The following PPM1B variants were observed in gnomAD, a reference collection of about 807,000 sequenced individuals.
PPM1B encodes protein phosphatase, Mg2+/Mn2+ dependent 1B.
A neutral mutation model predicts 43.0 loss-of-function variants in PPM1B; 22 were observed. The ratio of observed to expected loss-of-function variants is 0.51; its 90% confidence interval spans 0.37 to 0.73. The LOEUF is 0.73. Among genes scored for constraint, PPM1B ranks in the 30% least tolerant of loss-of-function variants. PPM1B has a pLI of 0.00. For missense variants in PPM1B, 632 were observed against 584.2 expected (o/e 1.08, Z -0.84); for synonymous variants, 217 against 197.9 (o/e 1.10, Z -0.81).
Position 44,230,763 on chromosome 2 carries a change from C to A in PPM1B, c.*45C>A. ...TTTTGTGATCTTTGATGGTTTTTAACCTAGGAAGTGTAATGTATGCATTTA... is the reference window on the plus strand; with the variant it reads ...TTTTGTGATCTTTGATGGTTTTTAAACTAGGAAGTGTAATGTATGCATTTA... On this transcript the variant is annotated 3_prime_UTR_variant, in exon 6 of 6. Coordinates refer to ENST00000282412, the MANE Select transcript of PPM1B (RefSeq NM_002706.6). The A allele has an allele frequency of 1.9e-6, 3 of 1,576,986 alleles. No homozygotes were observed. Among genetic ancestry groups the A allele is most frequent in the Non-Finnish European group, 2.6e-6 (3 of 1,160,272 alleles).
In PPM1B at chr2:44,205,142, G is replaced by C. The variant is rs183287975; in HGVS notation, c.846+3097G>C. Among the ~76,000 whole-genome samples, 442 of 152,196 alleles carry C rather than the reference G, an allele frequency of 2.9e-3. 1 individual carries two copies. The highest frequency in any genetic ancestry group is 9.5e-3 in the African/African-American group (395 of 41,540). On this transcript the variant is annotated intron_variant, in intron 2 of 5. Coordinates refer to ENST00000282412, the MANE Select transcript of PPM1B (RefSeq NM_002706.6). Reference sequence around the variant, plus strand: ...TGATACATACTTATTAATCCTCATAGTAACTTTCTGAGGTGAACAAAATAA... The same window carrying C: ...TGATACATACTTATTAATCCTCATACTAACTTTCTGAGGTGAACAAAATAA...
chr2:44,182,194 C>T (rs1227978808), intron 1 of PPM1B, among the ~76,000 whole-genome samples: 1 of 152,124 alleles, frequency 6.6e-6, no homozygotes, highest in Non-Finnish European at 1.5e-5. Flanking sequence ...TCGTGAGAAA[C>T]ATTCTCTATG....
At chr2:44,214,715 G>A (rs1219925219) in intron 3 of PPM1B, among the ~76,000 whole-genome samples, 2 of 152,102 alleles carry the variant, frequency 1.3e-5, no homozygotes, top group African/African-American at 4.8e-5. Context: ...TATATCAAGT[G>A]TGTGGGGGTT....
At chr2:44,199,871 G>T (rs1292783159) in intron 1 of PPM1B, among the ~76,000 whole-genome samples, 1 of 151,720 alleles carries the variant, frequency 6.6e-6, no homozygotes, top group Non-Finnish European at 1.5e-5. Flanking sequence ...TATATATATC[G>T]AGTGGTTCAT....
chr2:44,219,718 C>T (rs1412306812), intron 5 of PPM1B, among the ~76,000 whole-genome samples: 2 of 151,814 alleles, frequency 1.3e-5, no homozygotes, highest in Admixed American at 6.6e-5. Flanking sequence ...CCGAGGCGGG[C>T]GGATCACCTG....
downstream of PPM1B, among the ~76,000 whole-genome samples, chr2:44,246,034 C>G (rs1291559132): frequency 6.6e-6 from 1 of 152,158 alleles, no homozygotes; most frequent in Non-Finnish European, 1.5e-5. Context: ...CCAGCATATT[C>G]TCTTTTCTGT....
chr2:44,175,816 C>T (rs1667556949), intron 1 of PPM1B, among the ~76,000 whole-genome samples: 1 of 144,240 alleles, frequency 6.9e-6, no homozygotes, highest in African/African-American at 2.6e-5. Flanking sequence ...GACGGAGTCT[C>T]ACTCTGTCAC....
chr2:44,184,310 T>G (rs1449158786), intron 1 of PPM1B, among the ~76,000 whole-genome samples: 1 of 152,194 alleles, frequency 6.6e-6, no homozygotes, highest in African/African-American at 2.4e-5. Flanking sequence ...TCCTCCTCTG[T>G]AAGCACATTT....
downstream of PPM1B, among the ~76,000 whole-genome samples, chr2:44,245,986 A>T (rs1038318664): frequency 6.6e-6 from 1 of 152,198 alleles, no homozygotes; most frequent in Non-Finnish European, 1.5e-5. Context: ...TTTTAGGTTG[A>T]TAGGGCCAAA....
At chr2:44,173,770 C>G (rs954195525) in intron 1 of PPM1B, among the ~76,000 whole-genome samples, 43 of 152,110 alleles carry the variant, frequency 2.8e-4, no homozygotes, top group African/African-American at 1.0e-3. Context: ...TGATGAAACC[C>G]TGTCTTTACC....
downstream of PPM1B, chr2:44,234,317 G>C (rs957540967): frequency 1.4e-6 from 1 of 717,058 alleles, no homozygotes; most frequent in African/African-American, 1.9e-5. Flanking sequence ...TCAAGAGATC[G>C]TGACCATCCT....
chr2:44,217,649 C>T (rs1001481410), intron 3 of PPM1B, among the ~76,000 whole-genome samples: 1 of 152,164 alleles, frequency 6.6e-6, no homozygotes, highest in Non-Finnish European at 1.5e-5. Flanking sequence ...AACCATTTCA[C>T]TCAATGGCTA....
chr2:44,181,938 A>C (rs946151302), intron 1 of PPM1B, among the ~76,000 whole-genome samples: 4 of 151,828 alleles, frequency 2.6e-5, no homozygotes, highest in Non-Finnish European at 5.9e-5. Flanking sequence ...CAGAAAAAAG[A>C]ATAAAGAATA....
chr2:44,187,558 G>A (rs78393052), intron 1 of PPM1B, among the ~76,000 whole-genome samples: 28 of 152,152 alleles, frequency 1.8e-4, no homozygotes, highest in African/African-American at 6.3e-4. Flanking sequence ...ATAATGATCT[G>A]TCTAAACATG....
chr2:44,192,302 C>T (rs1668446597), intron 1 of PPM1B, among the ~76,000 whole-genome samples: 1 of 152,026 alleles, frequency 6.6e-6, no homozygotes, highest in Non-Finnish European at 1.5e-5. Flanking sequence ...ACTGCAACCT[C>T]CATCTCCTGG....
chr2:44,177,677 C>G (rs1024870076), intron 1 of PPM1B, among the ~76,000 whole-genome samples: 3 of 151,924 alleles, frequency 2.0e-5, no homozygotes, highest in Admixed American at 6.6e-5. Context: ...CTCGGCCTCC[C>G]AAAGTGCTGG....
At chr2:44,218,218 T>C (rs1382406482) in intron 4 of PPM1B, 140 bp downstream of exon 4, 2 of 712,858 alleles carry the variant, frequency 2.8e-6, no homozygotes, top group African/African-American at 3.6e-5. Flanking sequence ...AGAAGAACTC[T>C]TAAAACTTCA....
At chr2:44,174,733 C>G (rs1423093946) in intron 1 of PPM1B, among the ~76,000 whole-genome samples, 2 of 152,202 alleles carry the variant, frequency 1.3e-5, no homozygotes, top group African/African-American at 4.8e-5. Flanking sequence ...ATTTTTAAAT[C>G]TAATCGCATT....
At chr2:44,236,642 A>G (rs1670632156), downstream of PPM1B, among the ~76,000 whole-genome samples, 1 of 152,166 alleles carries the variant, frequency 6.6e-6, no homozygotes, top group South Asian at 2.1e-4. Flanking sequence ...TATTTTCTGA[A>G]ACCTTGGAAA....
Sources: allele counts gnomAD v4.1 joint callset (sites outside exome capture counted in the v4.1 genomes callset), GRCh38; gene constraint gnomAD v4.1.1; transcripts MANE v1.5; gene names NCBI Gene and HGNC (gene_info 2026-07-23, HGNC 2026-07-21).